The following CDH12 variants were observed in gnomAD, a reference collection of about 807,000 sequenced individuals.
CDH12 encodes cadherin-12.
CDH12 carries 41 observed loss-of-function variants against 74.1 expected under a neutral mutation model. The ratio of observed to expected loss-of-function variants is 0.55; its 90% CI spans 0.43 to 0.72. CDH12 has a LOEUF of 0.72. Ranked by LOEUF, CDH12 falls within the 30% of genes least tolerant of loss-of-function variation. CDH12 has a pLI of 0.00. For missense variants in CDH12, 945 were observed against 977.2 expected (o/e 0.97, Z 0.44); for synonymous variants, 399 against 355.0 (o/e 1.12, Z -1.39).
At chr5:22,055,254 C>G (rs1041082957) in intron 5 of CDH12, among the ~76,000 whole-genome samples, 5 of 152,164 alleles carry the variant, frequency 3.3e-5, no homozygotes, top group South Asian at 2.1e-4. Context: ...TTTTTCATGA[C>G]AGCTGCAAGC....
At chr5:21,958,681 G>C (rs1756211864) in intron 6 of CDH12, among the ~76,000 whole-genome samples, 1 of 152,124 alleles carries the variant, frequency 6.6e-6, no homozygotes, top group Admixed American at 6.5e-5. Flanking sequence ...GTACCATGCT[G>C]TTTTGGTTAA....
chr5:22,194,308 C>CTA (rs1750488099), intron 4 of CDH12, among the ~76,000 whole-genome samples: 1 of 139,868 alleles, frequency 7.1e-6, no homozygotes, highest in Non-Finnish European at 1.5e-5. Context: ...CTTTTTCTTT[C>CTA]TTTTTTTTTT....
chr5:22,486,785 G>T (rs1746620908), intron 2 of CDH12, among the ~76,000 whole-genome samples: 1 of 151,654 alleles, frequency 6.6e-6, no homozygotes, highest in Non-Finnish European at 1.5e-5. Context: ...TAGTTCTGGT[G>T]GTAGAGATTT....
chr5:21,932,898 G>C (rs1754907391), intron 6 of CDH12, among the ~76,000 whole-genome samples: 1 of 149,206 alleles, frequency 6.7e-6, no homozygotes, highest in South Asian at 2.1e-4. Context: ...TCATGTCATA[G>C]TTTTTGCTGT....
intron 1 of CDH12, among the ~76,000 whole-genome samples, chr5:22,606,818 G>A (rs80168805): frequency 0.015 from 2,323 of 152,238 alleles, 21 homozygotes; most frequent in Non-Finnish European, 0.024. Context: ...GGAACAGTTT[G>A]GGTGTCTCAA....
At chr5:21,993,404 T>C (rs112748951) in intron 5 of CDH12, among the ~76,000 whole-genome samples, 1 of 152,148 alleles carries the variant, frequency 6.6e-6, no homozygotes, top group African/African-American at 2.4e-5. Context: ...ATAAGATTAT[T>C]TGGGTGGGCC....
chr5:21,764,664 AAAAAG>A (rs1744915260), intron 12 of CDH12, among the ~76,000 whole-genome samples: 1 of 150,852 alleles, frequency 6.6e-6, no homozygotes, highest in Non-Finnish European at 1.5e-5. Context: ...AAAAAAAAAA[AAAAAG>A]AAAAGAAAAG....
At chr5:22,358,747 C>G (rs757967301) in intron 3 of CDH12, among the ~76,000 whole-genome samples, 23 of 152,132 alleles carry the variant, frequency 1.5e-4, no homozygotes, top group Non-Finnish European at 3.2e-4. Context: ...CCATGGTGAC[C>G]ATAAGAGTGA....
At chr5:21,877,239 C>T (rs1296612564) in intron 6 of CDH12, among the ~76,000 whole-genome samples, 1 of 151,732 alleles carries the variant, frequency 6.6e-6, no homozygotes, top group Non-Finnish European at 1.5e-5. Flanking sequence ...GGTGAGTGTT[C>T]TTTTTCATTC....
At chr5:22,348,637 T>C (rs189257349) in intron 3 of CDH12, among the ~76,000 whole-genome samples, 109 of 152,318 alleles carry the variant, frequency 7.2e-4, no homozygotes, top group Non-Finnish European at 1.2e-3. Flanking sequence ...AACATTACTC[T>C]GGGACTTGCT....
chr5:22,815,769 C>A (rs1323440796), intron 1 of CDH12, among the ~76,000 whole-genome samples: 700 of 96,600 alleles, frequency 7.2e-3, no homozygotes, highest in East Asian at 0.011. Context: ...GACTCCGTCT[C>A]AAAAAAAAAA....
chr5:22,025,259 A>G (rs1355597367), intron 5 of CDH12, among the ~76,000 whole-genome samples: 1 of 152,130 alleles, frequency 6.6e-6, no homozygotes, highest in Non-Finnish European at 1.5e-5. Context: ...CTTTATATTT[A>G]TTGATAAAGA....
chr5:22,215,915 C>T (rs551433665), intron 3 of CDH12, among the ~76,000 whole-genome samples: 46 of 152,184 alleles, frequency 3.0e-4, no homozygotes, highest in Admixed American at 9.8e-4. Flanking sequence ...ATAACGCAAA[C>T]TAATGCAACA....
intron 1 of CDH12, among the ~76,000 whole-genome samples, chr5:22,606,204 C>A (rs888223226): frequency 6.6e-6 from 1 of 152,142 alleles, no homozygotes; most frequent in African/African-American, 2.4e-5. Context: ...AATTTAGGGA[C>A]AGGATCTGGC....
At chr5:22,115,216 T>G (rs1745019475) in intron 4 of CDH12, among the ~76,000 whole-genome samples, 1 of 152,210 alleles carries the variant, frequency 6.6e-6, no homozygotes, top group South Asian at 2.1e-4. Flanking sequence ...ATATACAGAC[T>G]GTGGAGCGCT....
At chr5:21,931,856 G>C (rs1483212317) in intron 6 of CDH12, among the ~76,000 whole-genome samples, 1 of 152,134 alleles carries the variant, frequency 6.6e-6, no homozygotes, top group Admixed American at 6.5e-5. Context: ...CATTAGTAAA[G>C]ATTTCATTGA....
intron 3 of CDH12, among the ~76,000 whole-genome samples, chr5:22,330,207 C>G (rs1185082019): frequency 6.6e-6 from 1 of 152,148 alleles, no homozygotes; most frequent in East Asian, 1.9e-4. Flanking sequence ...ATGAGGCTAC[C>G]ATTCCAGTTT....
chr5:21,842,306 T>C lies in CDH12; in HGVS notation c.669A>G (p.Pro223=), dbSNP rs1749915168. 6.2e-7 allele frequency: 1 copy of C among 1,611,204 alleles called. No homozygotes were observed. Among genetic ancestry groups the C allele is most frequent in the South Asian group, 1.1e-5 (1 of 90,544 alleles). Reference sequence around the variant, plus strand: ...GTTCTTTGACTTCTCTGTCCATGTTTGGCAAAGCTGTTCTAATAACACCTT... The same window carrying C: ...GTTCTTTGACTTCTCTGTCCATGTTCGGCAAAGCTGTTCTAATAACACCTT... ...PKTGVIRTAL[P]NMDREVKEQY... The change falls in exon 8 of 15, where the codon CCA becomes CCG. Residue 223 remains proline (P), a synonymous_variant. Transcript: ENST00000382254.
intron 1 of CDH12, among the ~76,000 whole-genome samples, chr5:22,674,143 T>C (rs1015894314): frequency 6.6e-6 from 1 of 152,198 alleles, no homozygotes; most frequent in Non-Finnish European, 1.5e-5. Context: ...TAAAATAGTC[T>C]TAATGCTAAA....
Sources: gnomAD v4.1 joint callset for allele counts (sites outside exome capture counted in the v4.1 genomes callset) on GRCh38, gnomAD v4.1.1 for gene constraint, MANE v1.5 for transcripts, NCBI Gene and HGNC (gene_info 2026-07-23, HGNC 2026-07-21) for gene names.